The following ANGPT2 variants were observed in gnomAD, a reference collection of about 807,000 sequenced individuals.
ANGPT2 encodes angiopoietin 2.
In ANGPT2, 28 loss-of-function variants were observed where a neutral mutation model predicts 62.9. The observed-to-expected ratio is 0.44, with a 90% CI of 0.33 to 0.61. The LOEUF (loss-of-function observed/expected upper bound fraction) is 0.61, where lower values mean the gene tolerates loss of function less well. ANGPT2 is among the 20% of genes least tolerant of loss of function. The pLI is 0.03. For missense variants in ANGPT2, 727 were observed against 594.9 expected (o/e 1.22, Z -2.31); for synonymous variants, 284 against 207.8 (o/e 1.37, Z -3.15).
At position 6,532,347 on chromosome 8, in the gene ANGPT2, A is replaced by G; in HGVS notation, c.429T>C (p.Thr143=). The part of the protein sequence containing the change: ...NQTAEQTRKL[T]DVEAQVLNQT... ...CATTACTTACTTGGGCTTCCACATC[A>G]GTTAACTTCCGCGTTTGCTCCGCTG... The change falls in exon 2 of 9, where the codon ACT becomes ACC. Residue 143 remains threonine (T), a synonymous_variant. Transcript: ENST00000629816. 1 of 1,614,126 alleles carries G rather than the reference A, an allele frequency of 6.2e-7. No homozygotes were observed. The highest frequency in any genetic ancestry group is 8.5e-7 in the Non-Finnish European group (1 of 1,180,018).
chr8:6,551,254 A>G (rs1162294425), intron 1 of ANGPT2, among the ~76,000 whole-genome samples: 1 of 152,062 alleles, frequency 6.6e-6, no homozygotes, highest in Non-Finnish European at 1.5e-5. Context: ...TTTCTCATGC[A>G]GAGACTGTTT....
intron 1 of ANGPT2, among the ~76,000 whole-genome samples, chr8:6,561,226 C>G (rs920589326): frequency 1.3e-5 from 2 of 152,298 alleles, no homozygotes; most frequent in East Asian, 3.9e-4. Flanking sequence ...GGGAAACTTA[C>G]TGGAGCGCTT....
chr8:6,505,667 A>G (rs1813464731), intron 8 of ANGPT2, among the ~76,000 whole-genome samples: 1 of 130,130 alleles, frequency 7.7e-6, no homozygotes, highest in African/African-American at 2.8e-5. Context: ...TATATAGAAT[A>G]TATATACTTT....
chr8:6,537,784 GC>G (rs2129572954), intron 1 of ANGPT2, among the ~76,000 whole-genome samples: 1 of 152,030 alleles, frequency 6.6e-6, no homozygotes, highest in African/African-American at 2.4e-5. Flanking sequence ...CTTGAAACTG[GC>G]TCAGTAAAGG....
At position 6,501,778 on chromosome 8, in the gene ANGPT2, A is replaced by C. The variant is rs1382980111; in HGVS notation, c.*1323T>G. On this transcript the variant is annotated 3_prime_UTR_variant, in exon 9 of 9. Transcript: ENST00000629816. ...CACCATGTTGTCCAGGCTGGTCTTGAACTCCTGACCTCAGGTGATCTGCCC... is the reference window on the plus strand; with the variant it reads ...CACCATGTTGTCCAGGCTGGTCTTGCACTCCTGACCTCAGGTGATCTGCCC... 1 of 152,018 alleles carries C rather than the reference A, an allele frequency of 6.6e-6. No individual in the cohort carries two copies. Among genetic ancestry groups the C allele is most frequent in the Admixed American group, 6.6e-5 (1 of 15,258 alleles). 9.4% of individuals were successfully genotyped at this position (152,018 alleles called of 1,614,324 possible).
chr8:6,532,501 G>A lies in ANGPT2; in HGVS notation c.289-14C>T, dbSNP rs1819707403. On this transcript the variant is annotated splice_polypyrimidine_tract_variant and intron_variant, in intron 1 of 8. Transcript: ENST00000629816. ...ATAATTCTCAAGCTAGAAAAGAACAGTGTTAGAAGGCAGTCATTAGTCAAA... is the reference window on the plus strand; with the variant it reads ...ATAATTCTCAAGCTAGAAAAGAACAATGTTAGAAGGCAGTCATTAGTCAAA... The A allele has an allele frequency of 6.3e-7, 1 of 1,588,574 alleles. No individual in the cohort carries two copies. The highest frequency in any genetic ancestry group is 1.7e-5 in the Admixed American group (1 of 57,738).
intron 4 of ANGPT2, 151 bp from the exon 5 acceptor site, chr8:6,520,142 T>G (rs926744579): frequency 2.4e-6 from 2 of 819,758 alleles, no homozygotes; most frequent in African/African-American, 3.4e-5. Flanking sequence ...TTCTAGAAAG[T>G]TTCCTTTCAG....
In ANGPT2 at chr8:6,503,071, C is replaced by G. The variant is rs746771032; in HGVS notation, c.*30G>C. The G allele has an allele frequency of 6.2e-7, 1 of 1,612,872 alleles. No individual in the cohort carries two copies. Among genetic ancestry groups the G allele is most frequent in the African/African-American group, 1.3e-5 (1 of 74,996 alleles). On this transcript the variant is annotated 3_prime_UTR_variant, in exon 9 of 9. Coordinates refer to ENST00000629816, the MANE Select transcript of ANGPT2 (RefSeq NM_001118887.2). ...TGGGCTTAAGTCTTTGAAAATAGTT[C>G]GAGACAGTTCCTCAGGTGGACTGGG...
chr8:6,504,687 G>T (rs918931895), intron 8 of ANGPT2, among the ~76,000 whole-genome samples: 1 of 152,044 alleles, frequency 6.6e-6, no homozygotes, highest in African/African-American at 2.4e-5. Context: ...CGTACACTAA[G>T]GATGCTAAGA....
intron 8 of ANGPT2, among the ~76,000 whole-genome samples, chr8:6,506,697 C>T (rs1433973833): frequency 6.6e-6 from 1 of 150,770 alleles, no homozygotes; most frequent in East Asian, 2.0e-4. Context: ...GGGCTTTGCT[C>T]ATTGGTGTAA....
intron 1 of ANGPT2, among the ~76,000 whole-genome samples, chr8:6,561,798 G>T (rs1045861924): frequency 6.7e-6 from 1 of 149,568 alleles, no homozygotes. Context: ...AATTATTTAT[G>T]AAAGAAAAAC....
intron 8 of ANGPT2, among the ~76,000 whole-genome samples, chr8:6,503,577 A>G (rs1777558979): frequency 6.6e-6 from 1 of 152,224 alleles, no homozygotes; most frequent in Admixed American, 6.5e-5. Flanking sequence ...AGCAGGAGTA[A>G]GCAAACATCT....
At chr8:6,562,460 C>T (rs1355868662) in intron 1 of ANGPT2, among the ~76,000 whole-genome samples, 187 bp downstream of exon 1, 1 of 150,908 alleles carries the variant, frequency 6.6e-6, no homozygotes, top group Non-Finnish European at 1.5e-5. Context: ...CCGGGGACTA[C>T]CCACACACCC....
rs1485671480 is a variant in ANGPT2 at position 6,502,547 on chromosome 8, T to G, written c.*554A>C. Reference sequence around the variant, plus strand: ...AAGCACCTAAGAGATGGAGTAAAAATGCACTAACTGTTTTTCCAAATATTA... The same window carrying G: ...AAGCACCTAAGAGATGGAGTAAAAAGGCACTAACTGTTTTTCCAAATATTA... On this transcript the variant is annotated 3_prime_UTR_variant, in exon 9 of 9. Coordinates refer to ENST00000629816, the MANE Select transcript of ANGPT2 (RefSeq NM_001118887.2). 1 of 152,224 alleles carries G rather than the reference T, an allele frequency of 6.6e-6. No individual in the cohort carries two copies. Among genetic ancestry groups the G allele is most frequent in the Non-Finnish European group, 1.5e-5 (1 of 68,058 alleles). 9.4% of individuals were successfully genotyped at this position (152,224 alleles called of 1,614,324 possible).
chr8:6,543,321 T>A (rs181560354), intron 1 of ANGPT2, among the ~76,000 whole-genome samples: 1 of 152,330 alleles, frequency 6.6e-6, no homozygotes, highest in Admixed American at 6.5e-5. Flanking sequence ...TTTGTACAGT[T>A]ACTTTCTCAG....
At chr8:6,542,627 C>T (rs1821825739) in intron 1 of ANGPT2, among the ~76,000 whole-genome samples, 1 of 151,578 alleles carries the variant, frequency 6.6e-6, no homozygotes, top group African/African-American at 2.4e-5. Flanking sequence ...GTCTGAGGAG[C>T]ATTAACATTC....
Position 6,522,826 on chromosome 8 carries a change from A to G in ANGPT2, c.567-1416T>C, listed in dbSNP as rs558411270. On this transcript the variant is annotated intron_variant, in intron 3 of 8. Transcript: ENST00000629816. ...GTAGGAAGAATGAATCACATACCTA[A>G]AGTCACACACAGCAGGTGGCAGGGG... 6.8e-4 allele frequency among the ~76,000 whole-genome samples: 104 copies of G among 152,040 alleles called. 2 individuals carry two copies. Among genetic ancestry groups the G allele is most frequent in the Non-Finnish European group, 1.3e-3 (89 of 67,990 alleles).
chr8:6,503,340 G>T, intron 8 of ANGPT2, 79 bp from the exon 9 acceptor site: 1 of 1,496,338 alleles, frequency 6.7e-7, no homozygotes, highest in Non-Finnish European at 9.2e-7. Context: ...ACTCAGCTAA[G>T]GCAGGAGGCA....
In ANGPT2 at chr8:6,500,064, C is replaced by T; in HGVS notation, c.*3037G>A. 5.4e-6 allele frequency: 4 copies of T among 743,498 alleles called. No homozygotes were observed. The highest frequency in any genetic ancestry group is 9.5e-6 in the Non-Finnish European group (4 of 419,940). 46.1% of individuals were successfully genotyped at this position (743,498 alleles called of 1,614,324 possible). ...CATAATTAAAAAGACATTCACAGAA[C>T]TTAACACCTTTTATCAATTTATTCG... On this transcript the variant is annotated 3_prime_UTR_variant, in exon 9 of 9. Coordinates refer to ENST00000629816, the MANE Select transcript of ANGPT2 (RefSeq NM_001118887.2).
Sources: allele counts gnomAD v4.1 joint callset (sites outside exome capture counted in the v4.1 genomes callset), GRCh38; gene constraint gnomAD v4.1.1; transcripts MANE v1.5; gene names NCBI Gene and HGNC (gene_info 2026-07-23, HGNC 2026-07-21).